The following TMEM132D variants were observed in gnomAD, a reference collection of about 807,000 sequenced individuals.
The protein encoded by TMEM132D is mature OL transmembrane protein.
Under a neutral mutation model 62.3 loss-of-function variants are expected in TMEM132D, and 21 were observed. The ratio of observed to expected loss-of-function variants is 0.34; its 90% CI spans 0.24 to 0.49. TMEM132D has a LOEUF of 0.49. TMEM132D is among the 20% of genes least tolerant of loss of function. The pLI is 0.99. For missense variants in TMEM132D, 1,346 were observed against 1,402.8 expected (o/e 0.96, Z 0.65); for synonymous variants, 621 against 575.6 (o/e 1.08, Z -1.13).
At chr12:129,805,665 T>A (rs1467170868) in intron 1 of TMEM132D, among the ~76,000 whole-genome samples, 2 of 151,676 alleles carry the variant, frequency 1.3e-5, no homozygotes, top group Admixed American at 6.6e-5. Context: ...CCAAAAGCAA[T>A]GGCAACAAAA....
intron 1 of TMEM132D, among the ~76,000 whole-genome samples, chr12:129,817,354 C>T (rs941349948): frequency 8.5e-5 from 13 of 152,144 alleles, no homozygotes; most frequent in Non-Finnish European, 1.2e-4. Context: ...CAGCCTTCAC[C>T]GTGAACACAC....
chr12:129,128,258 G>A (rs759312019), intron 5 of TMEM132D, among the ~76,000 whole-genome samples: 7 of 152,048 alleles, frequency 4.6e-5, no homozygotes, highest in Non-Finnish European at 4.4e-5. Context: ...TTAGATTCAG[G>A]GCTGTATTAG....
At chr12:129,791,835 C>T (rs914935602) in intron 1 of TMEM132D, among the ~76,000 whole-genome samples, 2 of 152,104 alleles carry the variant, frequency 1.3e-5, no homozygotes, top group African/African-American at 4.8e-5. Flanking sequence ...GTCAAACAGC[C>T]GTCAGCAGAC....
At chr12:129,569,125 G>T (rs1387211807) in intron 2 of TMEM132D, among the ~76,000 whole-genome samples, 1 of 152,200 alleles carries the variant, frequency 6.6e-6, no homozygotes, top group Non-Finnish European at 1.5e-5. Flanking sequence ...TACTAAAGCT[G>T]CTGACAGCTA....
chr12:129,208,698 G>T (rs531574154), intron 5 of TMEM132D: 2 of 152,316 alleles, frequency 1.3e-5, no homozygotes, highest in East Asian at 3.9e-4. Context: ...GCTGTCCCGG[G>T]CTTTTGTTGG....
intron 4 of TMEM132D, among the ~76,000 whole-genome samples, chr12:129,285,210 C>T (rs1337992501): frequency 6.6e-6 from 1 of 151,916 alleles, no homozygotes; most frequent in Non-Finnish European, 1.5e-5. Flanking sequence ...AGAAGCAAAT[C>T]AACAGGAAGA....
intron 4 of TMEM132D, among the ~76,000 whole-genome samples, chr12:129,225,461 C>T (rs957098005): frequency 1.9e-4 from 29 of 152,200 alleles, no homozygotes; most frequent in African/African-American, 6.0e-4. Flanking sequence ...GCCACCCGCA[C>T]AGTCTTTGGA....
At chr12:129,507,887 A>G (rs1875385527) in intron 3 of TMEM132D, among the ~76,000 whole-genome samples, 1 of 152,176 alleles carries the variant, frequency 6.6e-6, no homozygotes, top group African/African-American at 2.4e-5. Context: ...TAGAAAGTCT[A>G]TTGATTTTCA....
At chr12:129,183,568 C>G (rs1878131053) in intron 5 of TMEM132D, among the ~76,000 whole-genome samples, 1 of 152,232 alleles carries the variant, frequency 6.6e-6, no homozygotes, top group Non-Finnish European at 1.5e-5. Flanking sequence ...TGCCAACGGT[C>G]TTTCAGCCAC....
intron 1 of TMEM132D, among the ~76,000 whole-genome samples, chr12:129,754,763 G>A (rs1870110730): frequency 6.6e-6 from 1 of 152,114 alleles, no homozygotes; most frequent in Non-Finnish European, 1.5e-5. Context: ...TTAAAAGAAA[G>A]ACCAAAGAGA....
At chr12:129,456,943 G>T (rs972212567) in intron 3 of TMEM132D, among the ~76,000 whole-genome samples, 1 of 152,150 alleles carries the variant, frequency 6.6e-6, no homozygotes, top group Admixed American at 6.5e-5. Flanking sequence ...GGAAACAACA[G>T]GTGCTGGAGA....
intron 2 of TMEM132D, among the ~76,000 whole-genome samples, chr12:129,602,310 T>A (rs905847279): frequency 6.6e-6 from 1 of 152,108 alleles, no homozygotes; most frequent in Admixed American, 6.6e-5. Context: ...CCAAAAACTA[T>A]GATGGATACT....
At chr12:129,077,069 T>A (rs1009340577) in intron 8 of TMEM132D, among the ~76,000 whole-genome samples, 1 of 152,170 alleles carries the variant, frequency 6.6e-6, no homozygotes, top group East Asian at 1.9e-4. Context: ...AAGACTGTAG[T>A]ATAAGGACTA....
intron 5 of TMEM132D, among the ~76,000 whole-genome samples, chr12:129,134,141 T>C (rs1164716200): frequency 1.3e-5 from 2 of 151,090 alleles, no homozygotes; most frequent in Non-Finnish European, 3.0e-5. Context: ...TGTCTGTGTG[T>C]GTGTGTCTGT....
chr12:129,449,286 G>A (rs1873197552), intron 3 of TMEM132D, among the ~76,000 whole-genome samples: 1 of 152,186 alleles, frequency 6.6e-6, no homozygotes, highest in Non-Finnish European at 1.5e-5. Flanking sequence ...AACTTCTTAG[G>A]AATGCTTTGA....
chr12:129,668,243 C>CA (rs1880423614), intron 2 of TMEM132D, among the ~76,000 whole-genome samples: 1 of 145,652 alleles, frequency 6.9e-6, no homozygotes, highest in African/African-American at 2.5e-5. Flanking sequence ...TATTAGTGTA[C>CA]CTTATTACAC....
chr12:129,273,916 GAA>G (rs557555848), intron 4 of TMEM132D, among the ~76,000 whole-genome samples: 4 of 141,694 alleles, frequency 2.8e-5, no homozygotes, highest in African/African-American at 7.9e-5. Context: ...AACAAAAGTT[GAA>G]AAAAAAAAAG....
rs113567907 is a variant in TMEM132D, at chr12:129,172,029, T to A, written c.1443+37491A>T. 4.1e-3 allele frequency among the ~76,000 whole-genome samples: 620 copies of A among 152,348 alleles called. 3 individuals carry two copies. The highest frequency in any genetic ancestry group is 0.014 in the African/African-American group (565 of 41,588). ...AGCTATGAAAGCACTAGATGACATC[T>A]TCTTTCCCTGGAAGGTTGTTCTTGC... On this transcript the variant is annotated intron_variant, in intron 5 of 8. Transcript: ENST00000422113.
intron 2 of TMEM132D, among the ~76,000 whole-genome samples, chr12:129,569,287 G>A (rs1877449169): frequency 6.6e-6 from 1 of 152,120 alleles, no homozygotes; most frequent in Non-Finnish European, 1.5e-5. Context: ...AGATGCTCAG[G>A]GCAACCAGTA....
Sources: gnomAD v4.1 joint callset for allele counts (sites outside exome capture counted in the v4.1 genomes callset) on GRCh38, gnomAD v4.1.1 for gene constraint, MANE v1.5 for transcripts, NCBI Gene and HGNC (gene_info 2026-07-23, HGNC 2026-07-21) for gene names.